Variants in CCDC88C observed in about 807,000 individuals in gnomAD.
CCDC88C encodes protein Daple.
A neutral mutation model predicts 198.8 loss-of-function variants in CCDC88C; 131 were observed. The ratio of observed to expected loss-of-function variants is 0.66; its 90% CI spans 0.57 to 0.76. CCDC88C has a LOEUF of 0.76. Ranked by LOEUF, CCDC88C falls within the 30% of genes least tolerant of loss-of-function variation. The probability of loss-of-function intolerance (pLI) is 0.00; values close to 1 mark genes in which losing one functional copy is unlikely to be tolerated. For missense variants in CCDC88C, 2,553 were observed against 2,631.6 expected, an observed-to-expected ratio of 0.97 and a Z score of 0.65; for synonymous variants, 1,166 against 1,114.7, an observed-to-expected ratio of 1.05 and a Z score of -0.92.
chr14:91,317,839 T>C (rs1383320462), intron 13 of CCDC88C, among the ~76,000 whole-genome samples: 1 of 151,942 alleles, frequency 6.6e-6, no homozygotes, highest in African/African-American at 2.4e-5. Flanking sequence ...GGAGTTGTGG[T>C]GGGTGGGCGA....
At chr14:91,388,216 G>A (rs1055634373) in intron 3 of CCDC88C, among the ~76,000 whole-genome samples, 9 of 152,336 alleles carry the variant, frequency 5.9e-5, no homozygotes, top group Non-Finnish European at 1.2e-4. Context: ...GACGGCCAGG[G>A]TGTGAAGGGC....
intron 14 of CCDC88C, among the ~76,000 whole-genome samples, chr14:91,315,150 G>T (rs188910304): frequency 6.6e-6 from 1 of 152,046 alleles, no homozygotes; most frequent in Admixed American, 6.6e-5. Flanking sequence ...GTACCTTAGG[G>T]ATGTGCAGCA....
intron 13 of CCDC88C, among the ~76,000 whole-genome samples, chr14:91,316,485 T>C (rs566742013): frequency 2.0e-5 from 3 of 152,098 alleles, no homozygotes; most frequent in South Asian, 2.1e-4. Context: ...TACAATGGCA[T>C]GATCTTGGCT....
chr14:91,319,199 G>A (rs1256451238), intron 13 of CCDC88C, among the ~76,000 whole-genome samples: 1 of 152,200 alleles, frequency 6.6e-6, no homozygotes, highest in Non-Finnish European at 1.5e-5. Context: ...TGGATGAGAG[G>A]TCCTCTGACC....
Position 91,297,302 on chromosome 14 carries a change from C to T in CCDC88C, c.3966+3G>A. On this transcript the variant is annotated splice_donor_region_variant and intron_variant, in intron 22 of 29. Coordinates refer to ENST00000389857, the MANE Select transcript of CCDC88C (RefSeq NM_001080414.4). Reference sequence around the variant, plus strand: ...CCCGAGGCTCCCCTGGCGCTGGCCTCACCTCACAGTGGTTGTCCAGCTTGG... The same window carrying T: ...CCCGAGGCTCCCCTGGCGCTGGCCTTACCTCACAGTGGTTGTCCAGCTTGG... 6.2e-7 allele frequency: 1 copy of T among 1,612,462 alleles called. No individual in the cohort carries two copies. The highest frequency in any genetic ancestry group is 2.2e-5 in the East Asian group (1 of 44,870).
chr14:91,331,276 C>A (rs1343875836), intron 10 of CCDC88C, among the ~76,000 whole-genome samples: 1 of 152,178 alleles, frequency 6.6e-6, no homozygotes, highest in Non-Finnish European at 1.5e-5. Context: ...GATGGGAAAG[C>A]CTCAGGGGCC....
chr14:91,275,047 G>T (rs918890555), intron 29 of CCDC88C, among the ~76,000 whole-genome samples: 2 of 152,120 alleles, frequency 1.3e-5, no homozygotes, highest in Non-Finnish European at 2.9e-5. Flanking sequence ...GTGGGCATAC[G>T]GTTGTCATTT....
chr14:91,339,582 CGAG>C lies in CCDC88C; in HGVS notation c.625-123_625-121del. 9.7e-7 allele frequency: 1 copy of C among 1,027,468 alleles called. No homozygotes were observed. Among genetic ancestry groups the C allele is most frequent in the Non-Finnish European group, 1.4e-6 (1 of 714,988 alleles). 63.6% of individuals were successfully genotyped at this position (1,027,468 alleles called of 1,614,324 possible). On this transcript the variant is annotated intron_variant, in intron 7 of 29. Transcript: ENST00000389857. The surrounding 1 kb of genome is among the most constrained non-coding windows in gnomAD (Gnocchi z 5.8). ...AGATATTTCAGCGGAGACTAAGAAA[CGAG>C]GAGGAAGGTGGGAAAAGGCTGGCAT...
intron 3 of CCDC88C, among the ~76,000 whole-genome samples, chr14:91,382,650 C>A (rs1208230353): frequency 6.6e-6 from 1 of 152,154 alleles, no homozygotes; most frequent in Non-Finnish European, 1.5e-5. Flanking sequence ...TTAAATCTGA[C>A]CTCAGCCCAA....
chr14:91,330,960 G>A (rs1159210067), intron 10 of CCDC88C, among the ~76,000 whole-genome samples: 1 of 152,100 alleles, frequency 6.6e-6, no homozygotes, highest in Admixed American at 6.5e-5. Context: ...CTGAGGGGTG[G>A]GCCTGCGATG....
intron 3 of CCDC88C, among the ~76,000 whole-genome samples, chr14:91,366,622 C>T (rs1486777545): frequency 6.6e-6 from 1 of 152,198 alleles, no homozygotes; most frequent in Non-Finnish European, 1.5e-5. Context: ...AAGTAGATTG[C>T]CATTTTAAAT....
intron 13 of CCDC88C, among the ~76,000 whole-genome samples, chr14:91,319,894 G>A (rs1320375286): frequency 6.6e-6 from 1 of 152,028 alleles, no homozygotes; most frequent in African/African-American, 2.4e-5. Flanking sequence ...GTGTGGTGGT[G>A]GGTGCCTGTA....
Position 91,272,568 on chromosome 14 carries a change from TGA to T in CCDC88C, c.*55_*56del. 1 of 1,517,538 alleles carries T rather than the reference TGA, an allele frequency of 6.6e-7. No individual in the cohort carries two copies. 94.0% of individuals were successfully genotyped at this position (1,517,538 alleles called of 1,614,324 possible). A position where few individuals can be genotyped will look rare whatever the true frequency, so the allele number is the denominator to read the frequency against. ...CGCAGGCAAGCAAGAGAAAAGGCCGTGAGAGTCGGAAGGCGCGTCAGTAGTTT... is the reference window on the plus strand; with the variant it reads ...CGCAGGCAAGCAAGAGAAAAGGCCGTGAGTCGGAAGGCGCGTCAGTAGTTT... On this transcript the variant is annotated 3_prime_UTR_variant, in exon 30 of 30. Coordinates refer to ENST00000389857, the MANE Select transcript of CCDC88C (RefSeq NM_001080414.4).
intron 3 of CCDC88C, among the ~76,000 whole-genome samples, chr14:91,393,875 T>C (rs1042544089): frequency 5.9e-5 from 9 of 152,186 alleles, no homozygotes; most frequent in African/African-American, 2.2e-4. Flanking sequence ...ATCAACTTCA[T>C]GAGCTCTACT....
chr14:91,396,824 G>A (rs570498587), intron 3 of CCDC88C, among the ~76,000 whole-genome samples: 19 of 152,162 alleles, frequency 1.2e-4, no homozygotes, highest in Admixed American at 2.6e-4. Context: ...GGGAGACTCT[G>A]TCTCTACAAA....
At chr14:91,296,195 TC>T (rs1417378012) in intron 22 of CCDC88C, among the ~76,000 whole-genome samples, 2 of 151,980 alleles carry the variant, frequency 1.3e-5, no homozygotes, top group African/African-American at 2.4e-5. Context: ...GCTGAACCCC[TC>T]CCCAAAAGCC....
chr14:91,377,879 G>A (rs772197484), intron 3 of CCDC88C, among the ~76,000 whole-genome samples: 5 of 152,100 alleles, frequency 3.3e-5, no homozygotes, highest in Non-Finnish European at 7.4e-5. Context: ...AGGGGGAAGG[G>A]AGGCGCGCTG....
Position 91,313,868 on chromosome 14 carries a change from T to C in CCDC88C, c.1948A>G (p.Lys650Glu), listed in dbSNP as rs1482808051. 1 of 1,606,542 alleles carries C rather than the reference T, an allele frequency of 6.2e-7. No homozygotes were observed. The highest frequency in any genetic ancestry group is 1.3e-5 in the African/African-American group (1 of 74,640). ...GTGGCTGTCTCCAGGGAGGTCACCT[T>C]CCTGGCCAGCCTCCCGTTCTCCTCC... The part of the protein sequence containing the change: ...LQEENGRLAR[K>E]VTSLETATEK... The change falls in exon 15 of 30, where the codon AAG (lysine) becomes GAG (glutamate). Residue 650 changes from lysine (K) to glutamate (E), a missense_variant. Physicochemically the swap from Lys to Glu is moderately conservative, Grantham distance 56. Around this residue, in one of 2 missense-constraint regions of CCDC88C, gnomAD observed 1,260 missense variants for 1,412.0 expected, o/e 0.89. Transcript: ENST00000389857. This position sits in a 1 kb window ranked among gnomAD's most constrained non-coding sequence, Gnocchi z 5.2.
At chr14:91,281,360 TG>T in intron 27 of CCDC88C, 96 bp downstream of exon 27, 2 of 1,587,660 alleles carry the variant, frequency 1.3e-6, no homozygotes, top group Non-Finnish European at 1.7e-6. Context: ...CATTTGGTGT[TG>T]GACTCCCGTA....
Sources: gnomAD v4.1 joint callset for allele counts (sites outside exome capture counted in the v4.1 genomes callset) on GRCh38, gnomAD v4.1.1 for gene constraint, gnomAD v4.1.1 regional missense constraint, Gnocchi (gnomAD v3.1) non-coding constraint, MANE v1.5 for transcripts, NCBI Gene and HGNC (gene_info 2026-07-23, HGNC 2026-07-21) for gene names.